TMTC4: variants seen among roughly 807,000 people sequenced by gnomAD.
TMTC4 encodes transmembrane O-mannosyltransferase targeting cadherins 4.
TMTC4 carries 65 observed loss-of-function variants against 86.0 expected under a neutral mutation model. The observed-to-expected ratio is 0.76, with a 90% CI of 0.62 to 0.93. The LOEUF is 0.93. Ranked by LOEUF, TMTC4 falls within the 40% of genes least tolerant of loss-of-function variation. The pLI is 0.00. For missense variants in TMTC4, 866 were observed against 948.1 expected (o/e 0.91, Z 1.14); for synonymous variants, 379 against 382.5 (o/e 0.99, Z 0.11).
In TMTC4 at chr13:100,656,304, C is replaced by T; in HGVS notation, c.640+77G>A. The T allele has an allele frequency of 1.6e-5, 20 of 1,279,316 alleles. No individual in the cohort carries two copies. The South Asian group carries it at 2.5e-4, about 16-fold the overall frequency. 79.2% of individuals were successfully genotyped at this position (1,279,316 alleles called of 1,614,324 possible). A position where few individuals can be genotyped will look rare whatever the true frequency, so the allele number is the denominator to read the frequency against. On this transcript the variant is annotated intron_variant, in intron 6 of 18. Transcript: ENST00000342624. ...CACACTCACATAGATGGATTCTTTC[C>T]CGTATGTTAAGACACTGCTCAACAG...
At chr13:100,619,904 C>T (rs574628006) in intron 15 of TMTC4, among the ~76,000 whole-genome samples, 1 of 152,230 alleles carries the variant, frequency 6.6e-6, no homozygotes, top group Non-Finnish European at 1.5e-5. Flanking sequence ...GAACAACCAA[C>T]GTAACTTCCT....
At chr13:100,621,789 C>A (rs1355327081) in intron 15 of TMTC4, among the ~76,000 whole-genome samples, 1 of 152,194 alleles carries the variant, frequency 6.6e-6, no homozygotes, top group Non-Finnish European at 1.5e-5. Context: ...TTAACAGATA[C>A]AGTGAACAGA....
At chr13:100,661,529 G>T (rs1885775135) in intron 5 of TMTC4, among the ~76,000 whole-genome samples, 1 of 152,152 alleles carries the variant, frequency 6.6e-6, no homozygotes, top group Non-Finnish European at 1.5e-5. Context: ...AGGATCAATG[G>T]CTGCACTATA....
intron 15 of TMTC4, chr13:100,624,867 T>C (rs893388113): frequency 3.3e-5 from 5 of 152,344 alleles, no homozygotes; most frequent in African/African-American, 1.2e-4. Flanking sequence ...TGGTTGATTA[T>C]AGGGAGAAGA....
chr13:100,674,468 A>C, intron 1 of TMTC4: 7 of 906,862 alleles, frequency 7.7e-6, no homozygotes, highest in South Asian at 5.1e-5. Context: ...CCGGGCGGAG[A>C]AGCTCAGGGG....
chr13:100,608,039 T>C (rs1876940400), intron 17 of TMTC4, among the ~76,000 whole-genome samples: 2 of 152,170 alleles, frequency 1.3e-5, no homozygotes, highest in Admixed American at 6.5e-5. Flanking sequence ...AACCTAAAAC[T>C]TGAGACATAG....
chr13:100,613,409 T>C (rs1044704962), intron 16 of TMTC4, among the ~76,000 whole-genome samples: 5 of 152,236 alleles, frequency 3.3e-5, no homozygotes, highest in Non-Finnish European at 5.9e-5. Context: ...TAACTCCTAA[T>C]TGATTGAATC....
At chr13:100,646,510 T>G (rs925249181) in intron 6 of TMTC4, among the ~76,000 whole-genome samples, 1 of 152,186 alleles carries the variant, frequency 6.6e-6, no homozygotes, top group African/African-American at 2.4e-5. Context: ...TTGAGTAACT[T>G]CACTGGTGGG....
At chr13:100,607,627 T>G (rs1363305262) in intron 17 of TMTC4, among the ~76,000 whole-genome samples, 1 of 149,864 alleles carries the variant, frequency 6.7e-6, no homozygotes. Context: ...TTTTTCCAGG[T>G]GGGCTTCCCA....
intron 5 of TMTC4, among the ~76,000 whole-genome samples, chr13:100,657,300 T>TC (rs1263911724): frequency 6.6e-6 from 1 of 152,226 alleles, no homozygotes; most frequent in Non-Finnish European, 1.5e-5. Context: ...CTGCCTCTGC[T>TC]CTTTTTTCTT....
Position 100,627,621 on chromosome 13 carries a change from C to G in TMTC4, c.1507-1471G>C, listed in dbSNP as rs192392357. Among the ~76,000 whole-genome samples, 5 of 152,312 alleles carry G rather than the reference C, an allele frequency of 3.3e-5. No homozygotes were observed. In the East Asian group the frequency reaches 9.6e-4, roughly 29 times the overall value. Reference sequence around the variant, plus strand: ...CCAGTCACACTGGATTAAGGGCCCACCATCCTCTTGTATGACCTCATCTTA... The same window carrying G: ...CCAGTCACACTGGATTAAGGGCCCAGCATCCTCTTGTATGACCTCATCTTA... On this transcript the variant is annotated intron_variant, in intron 12 of 18. Coordinates refer to ENST00000342624, the MANE Select transcript of TMTC4 (RefSeq NM_032813.5).
intron 16 of TMTC4, among the ~76,000 whole-genome samples, chr13:100,614,061 ACTC>A (rs909471710): frequency 1.3e-5 from 2 of 150,434 alleles, no homozygotes; most frequent in African/African-American, 4.9e-5. Context: ...CTGGTCTCGA[ACTC>A]CTGACCTCAG....
chr13:100,665,263 G>C (rs1189425735), intron 3 of TMTC4, among the ~76,000 whole-genome samples: 1 of 152,220 alleles, frequency 6.6e-6, no homozygotes, highest in African/African-American at 2.4e-5. Context: ...CTGTGGTGGA[G>C]TAAGTAAGAA....
intron 4 of TMTC4, among the ~76,000 whole-genome samples, chr13:100,663,874 C>G (rs1196391322): frequency 1.3e-5 from 2 of 152,160 alleles, no homozygotes; most frequent in African/African-American, 4.8e-5. Flanking sequence ...GACTTGGTAA[C>G]AGTAGGAAGA....
intron 8 of TMTC4, 112 bp downstream of exon 8, chr13:100,637,817 AG>A: frequency 1.3e-6 from 2 of 1,539,472 alleles, no homozygotes; most frequent in Non-Finnish European, 1.8e-6. Context: ...GTGCTTTAAA[AG>A]GCTGGTTATT....
chr13:100,611,828 T>G (rs912097166), intron 17 of TMTC4, among the ~76,000 whole-genome samples: 2 of 152,136 alleles, frequency 1.3e-5, no homozygotes, highest in Admixed American at 1.3e-4. Flanking sequence ...TATCTTGTGG[T>G]TTTTGTTGGT....
chr13:100,675,075 G>A, upstream of TMTC4: 1 of 985,538 alleles, frequency 1.0e-6, no homozygotes, highest in Non-Finnish European at 1.2e-6. Flanking sequence ...GACCCGGCGG[G>A]AGAGGAGGAA....
At chr13:100,622,878 G>A (rs970743457) in intron 15 of TMTC4, among the ~76,000 whole-genome samples, 1 of 152,058 alleles carries the variant, frequency 6.6e-6, no homozygotes, top group Non-Finnish European at 1.5e-5. Context: ...ACTCGTCCAC[G>A]TAAAGGGACT....
At chr13:100,661,570 C>G (rs1401039273) in intron 5 of TMTC4, among the ~76,000 whole-genome samples, 1 of 152,148 alleles carries the variant, frequency 6.6e-6, no homozygotes, top group East Asian at 1.9e-4. Context: ...CAGATCGAAA[C>G]AAAGTCTAAT....
Sources: allele counts gnomAD v4.1 joint callset (sites outside exome capture counted in the v4.1 genomes callset), GRCh38; gene constraint gnomAD v4.1.1; transcripts MANE v1.5; gene names NCBI Gene and HGNC (gene_info 2026-07-23, HGNC 2026-07-21).